Variants in SLC9A9 observed in about 807,000 individuals in gnomAD.
SLC9A9 encodes solute carrier family 9 member A9.
A neutral mutation model predicts 77.8 loss-of-function variants in SLC9A9; 62 were observed. The ratio of observed to expected loss-of-function variants is 0.80; its 90% CI spans 0.65 to 0.98. SLC9A9 has a LOEUF of 0.98. SLC9A9 is among the 50% of genes least tolerant of loss of function. The pLI, the probability that SLC9A9 is intolerant of heterozygous loss-of-function variation, is 0.00. For missense variants in SLC9A9, 775 were observed against 774.9 expected, an observed-to-expected ratio of 1.00 and a Z score of 0.00; for synonymous variants, 320 against 283.5, an observed-to-expected ratio of 1.13 and a Z score of -1.29.
At chr3:143,349,139 C>A (rs2108471813) in intron 14 of SLC9A9, among the ~76,000 whole-genome samples, 1 of 152,322 alleles carries the variant, frequency 6.6e-6, no homozygotes, top group Non-Finnish European at 1.5e-5. Context: ...GAGTAACACG[C>A]ATGTAGCAGT....
At chr3:143,560,960 C>A (rs1000039609) in intron 8 of SLC9A9, among the ~76,000 whole-genome samples, 6 of 152,270 alleles carry the variant, frequency 3.9e-5, no homozygotes, top group Admixed American at 6.5e-5. Flanking sequence ...GCAGGCTGAT[C>A]ACCTGAGGTC....
chr3:143,431,356 T>C (rs1283230841), intron 12 of SLC9A9, among the ~76,000 whole-genome samples: 2 of 152,208 alleles, frequency 1.3e-5, no homozygotes, highest in Admixed American at 6.5e-5. Context: ...CATCTCTTAA[T>C]TCAACTCTCA....
intron 4 of SLC9A9, among the ~76,000 whole-genome samples, chr3:143,725,977 G>A (rs916821679): frequency 6.6e-6 from 1 of 151,980 alleles, no homozygotes. Context: ...TTTTATAAAT[G>A]AGTCACCTTA....
intron 11 of SLC9A9, among the ~76,000 whole-genome samples, chr3:143,467,604 G>C (rs113228277): frequency 6.7e-4 from 102 of 152,106 alleles, no homozygotes; most frequent in African/African-American, 2.4e-3. Context: ...AATTAGCCAG[G>C]CATGGTGGCA....
chr3:143,466,124 T>C (rs838620), intron 12 of SLC9A9, among the ~76,000 whole-genome samples: 34,624 of 152,184 alleles, frequency 0.23, 5,139 homozygotes, highest in Non-Finnish European at 0.34. Flanking sequence ...AACAGACTCT[T>C]GACTGTAAGA....
chr3:143,590,375 T>C (rs2037626336), intron 6 of SLC9A9, among the ~76,000 whole-genome samples: 1 of 152,206 alleles, frequency 6.6e-6, no homozygotes, highest in Non-Finnish European at 1.5e-5. Context: ...TCTTTCACCA[T>C]TTGCTCAAAA....
chr3:143,472,889 C>A (rs1161068358), intron 11 of SLC9A9, among the ~76,000 whole-genome samples: 2 of 152,154 alleles, frequency 1.3e-5, no homozygotes, highest in Admixed American at 6.5e-5. Flanking sequence ...TTTTGAGAGT[C>A]AAGAGTTCTG....
At chr3:143,715,682 G>T (rs1011977464) in intron 4 of SLC9A9, among the ~76,000 whole-genome samples, 4 of 152,168 alleles carry the variant, frequency 2.6e-5, no homozygotes, top group African/African-American at 9.7e-5. Context: ...GCCATGAAAA[G>T]AGTGGGGAGA....
chr3:143,818,191 G>T (rs2009071011), intron 2 of SLC9A9, among the ~76,000 whole-genome samples: 4 of 152,056 alleles, frequency 2.6e-5, no homozygotes, highest in Admixed American at 2.6e-4. Flanking sequence ...CAAGTGTAAT[G>T]GAATCAGTAA....
intron 6 of SLC9A9, among the ~76,000 whole-genome samples, chr3:143,612,934 A>G (rs2038045850): frequency 6.6e-6 from 1 of 152,170 alleles, no homozygotes; most frequent in African/African-American, 2.4e-5. Context: ...TTTTTCCCCT[A>G]ATGTAGAAAG....
chr3:143,733,961 C>G (rs184591924), intron 4 of SLC9A9, among the ~76,000 whole-genome samples: 2 of 152,164 alleles, frequency 1.3e-5, no homozygotes, highest in Admixed American at 1.3e-4. Flanking sequence ...CTTTGGGACA[C>G]CAAGGTAGGA....
intron 14 of SLC9A9, among the ~76,000 whole-genome samples, chr3:143,282,040 G>A (rs1184212770): frequency 6.6e-6 from 1 of 152,110 alleles, no homozygotes; most frequent in Non-Finnish European, 1.5e-5. Context: ...CTTTCAGCTT[G>A]GCACTTGGAA....
At chr3:143,526,106 C>T (rs2036400294) in intron 9 of SLC9A9, among the ~76,000 whole-genome samples, 1 of 152,186 alleles carries the variant, frequency 6.6e-6, no homozygotes, top group African/African-American at 2.4e-5. Flanking sequence ...TCAAAGCCAT[C>T]ATTGAAAGCT....
chr3:143,502,691 A>G (rs2035945019), intron 9 of SLC9A9, among the ~76,000 whole-genome samples: 1 of 152,186 alleles, frequency 6.6e-6, no homozygotes, highest in South Asian at 2.1e-4. Context: ...GAGGCTCGAC[A>G]CAACCTGCTG....
intron 10 of SLC9A9, 98 bp from the exon 11 acceptor site, chr3:143,493,862 A>T (rs2035790765): frequency 2.3e-6 from 2 of 882,702 alleles, no homozygotes; most frequent in Non-Finnish European, 3.8e-6. Flanking sequence ...TCTCTTCATT[A>T]TGACCCCAAA....
chr3:143,650,657 A>G (rs2038780744), intron 6 of SLC9A9, among the ~76,000 whole-genome samples: 1 of 152,352 alleles, frequency 6.6e-6, no homozygotes, highest in South Asian at 2.1e-4. Context: ...GTACGATACC[A>G]GAATTGCCGA....
intron 4 of SLC9A9, among the ~76,000 whole-genome samples, chr3:143,785,850 T>TC (rs1399356200): frequency 3.8e-4 from 13 of 34,604 alleles, no homozygotes; most frequent in Admixed American, 1.5e-3. Flanking sequence ...TTTTTCTTTT[T>TC]TTTTTTTTTT....
chr3:143,827,627 C>A (rs542273049), intron 2 of SLC9A9, among the ~76,000 whole-genome samples: 1 of 152,242 alleles, frequency 6.6e-6, no homozygotes, highest in African/African-American at 2.4e-5. Context: ...TCTCTAAGCA[C>A]GTCAATGCCT....
chr3:143,646,080 T>G (rs1045909659), intron 6 of SLC9A9, among the ~76,000 whole-genome samples: 16 of 152,074 alleles, frequency 1.1e-4, no homozygotes, highest in African/African-American at 3.6e-4. Flanking sequence ...AATCTGCACT[T>G]AAATGAACAT....
Sources: allele counts gnomAD v4.1 joint callset (sites outside exome capture counted in the v4.1 genomes callset), GRCh38; gene constraint gnomAD v4.1.1; transcripts MANE v1.5; gene names NCBI Gene and HGNC (gene_info 2026-07-23, HGNC 2026-07-21).